Variants in EDA observed in about 807,000 individuals in gnomAD.
EDA encodes the protein ectodysplasin A.
Under a neutral mutation model 23.6 loss-of-function variants are expected in EDA, and 2 were observed. The observed-to-expected ratio is 0.08, with a 90% CI of 0.03 to 0.27. EDA has a LOEUF of 0.27. Among genes scored for constraint, EDA ranks in the 10% least tolerant of loss-of-function variants. The probability of loss-of-function intolerance (pLI) is 1.00; values close to 1 mark genes in which losing one functional copy is unlikely to be tolerated. For synonymous variants in EDA, 131 were observed against 132.0 expected, an observed-to-expected ratio of 0.99 and a Z score of 0.05; for missense variants, 229 against 324.2, an observed-to-expected ratio of 0.71 and a Z score of 2.26.
intron 1 of EDA, among the ~76,000 whole-genome samples, chrX:69,633,793 G>GAAACATTAT (rs1932695357): frequency 8.9e-6 from 1 of 112,248 alleles, no homozygotes; most frequent in African/African-American, 3.2e-5. Context: ...CCACCTTGGG[G>GAAACATTAT]TATTATGAAT....
At chrX:69,786,361 T>C (rs1348600551) in intron 1 of EDA, among the ~76,000 whole-genome samples, 2 of 107,055 alleles carry the variant, frequency 1.9e-5, no homozygotes, top group African/African-American at 6.8e-5. Flanking sequence ...CTTGCTTTTC[T>C]AGTTCTTTTA....
At chrX:69,710,456 G>A (rs1249491783) in intron 1 of EDA, among the ~76,000 whole-genome samples, 17 of 111,303 alleles carry the variant, frequency 1.5e-4, no homozygotes, top group Non-Finnish European at 2.3e-4. Context: ...TTCTTTTGGC[G>A]TAGGATTGAC....
At chrX:69,890,730 C>T (rs1300514176) in intron 1 of EDA, among the ~76,000 whole-genome samples, 4 of 111,541 alleles carry the variant, frequency 3.6e-5, no homozygotes, top group Admixed American at 2.9e-4. Context: ...CCCTTCCTTA[C>T]ACTATATATA....
At chrX:69,616,978 A>G in intron 1 of EDA, 1 of 423,054 alleles carries the variant, frequency 2.4e-6, no homozygotes, top group Admixed American at 4.3e-5. Flanking sequence ...AAAGTTGGCG[A>G]CGCTCCCGTC....
chrX:69,711,798 T>G (rs2012056203), intron 1 of EDA, among the ~76,000 whole-genome samples: 1 of 111,854 alleles, frequency 8.9e-6, no homozygotes, highest in Admixed American at 9.5e-5. Flanking sequence ...TTTATAGTAT[T>G]CTCTGATGGT....
At chrX:69,955,156 A>T (rs980976252) in intron 1 of EDA, among the ~76,000 whole-genome samples, 1 of 111,967 alleles carries the variant, frequency 8.9e-6, no homozygotes, top group African/African-American at 3.2e-5. Flanking sequence ...TACTTAGCTT[A>T]TTTATATTGT....
chrX:69,691,640 A>G (rs1275912646), intron 1 of EDA, among the ~76,000 whole-genome samples: 1 of 111,497 alleles, frequency 9.0e-6, no homozygotes, highest in Non-Finnish European at 1.9e-5. Context: ...TCTTTTTCTC[A>G]TCTCAGTAGT....
intron 1 of EDA, among the ~76,000 whole-genome samples, chrX:69,710,397 T>G (rs1012694036): frequency 2.2e-4 from 24 of 111,494 alleles, no homozygotes; most frequent in Non-Finnish European, 4.5e-4. Flanking sequence ...TTGGTTACTG[T>G]TGCCTTTAGT....
chrX:69,710,817 G>A (rs2011981009), intron 1 of EDA, among the ~76,000 whole-genome samples: 1 of 108,680 alleles, frequency 9.2e-6, no homozygotes, highest in Non-Finnish European at 1.9e-5. Flanking sequence ...GTATAAGAAT[G>A]CTTGTGATTT....
intron 1 of EDA, among the ~76,000 whole-genome samples, chrX:69,836,118 C>A (rs574400730): frequency 8.9e-6 from 1 of 111,865 alleles, no homozygotes; most frequent in South Asian, 3.7e-4. Flanking sequence ...TCATCCCAGA[C>A]GGGCAGCCAC....
chrX:69,956,498 C>T (rs1270059161), intron 1 of EDA, among the ~76,000 whole-genome samples: 19 of 109,263 alleles, frequency 1.7e-4, no homozygotes, highest in African/African-American at 6.3e-4. Flanking sequence ...CCCCCCACCA[C>T]CACACCCGGC....
At chrX:69,682,514 A>C (rs1393101699) in intron 1 of EDA, among the ~76,000 whole-genome samples, 1 of 112,100 alleles carries the variant, frequency 8.9e-6, no homozygotes, top group Non-Finnish European at 1.9e-5. Flanking sequence ...TGTGGGATAT[A>C]ATCTCCTCGT....
At chrX:69,625,750 T>G (rs1239678688) in intron 1 of EDA, among the ~76,000 whole-genome samples, 1 of 110,295 alleles carries the variant, frequency 9.1e-6, no homozygotes, top group African/African-American at 3.3e-5. Context: ...TAGAAAATCC[T>G]TAAGATCTTG....
intron 1 of EDA, among the ~76,000 whole-genome samples, chrX:69,778,893 A>G (rs1486696375): frequency 1.8e-5 from 2 of 111,753 alleles, no homozygotes; most frequent in Non-Finnish European, 3.8e-5. Flanking sequence ...CAGAGAATAA[A>G]TAGTTTGGGC....
intron 1 of EDA, among the ~76,000 whole-genome samples, chrX:69,697,755 A>G (rs1177574772): frequency 8.9e-6 from 1 of 111,931 alleles, no homozygotes; most frequent in African/African-American, 3.3e-5. Flanking sequence ...ACCCTCCAGA[A>G]GGTTTGTTGG....
intron 2 of EDA, among the ~76,000 whole-genome samples, chrX:70,005,894 C>A (rs961641579): frequency 1.8e-5 from 2 of 111,975 alleles, no homozygotes; most frequent in Non-Finnish European, 3.8e-5. Context: ...TCTTCCCACC[C>A]TTGGCAACCA....
rs372098157 is a variant in EDA, at chrX:69,841,770, A to T, written c.397-115257A>T. Among the ~76,000 whole-genome samples, 3 of 112,434 alleles carry T rather than the reference A, an allele frequency of 2.7e-5. No homozygotes were observed. The East Asian group carries it at 8.3e-4, about 31-fold the overall frequency. Reference sequence around the variant, plus strand: ...GAATTACAGAAATAAACTTTTCAAGATGAGTGTCTTAAAAGCAAGGAATTT... The same window carrying T: ...GAATTACAGAAATAAACTTTTCAAGTTGAGTGTCTTAAAAGCAAGGAATTT... On this transcript the variant is annotated intron_variant, in intron 1 of 7. Coordinates refer to ENST00000374552, the MANE Select transcript of EDA (RefSeq NM_001399.5).
intron 1 of EDA, among the ~76,000 whole-genome samples, chrX:69,814,261 C>T (rs2016026614): frequency 8.9e-6 from 1 of 112,502 alleles, no homozygotes; most frequent in Non-Finnish European, 1.9e-5. Context: ...AATATTCAGA[C>T]TAAATGCCAA....
intron 1 of EDA, chrX:69,670,191 T>TTTTTTG: frequency 3.0e-6 from 1 of 333,488 alleles, no homozygotes; most frequent in Non-Finnish European, 5.1e-6. Flanking sequence ...CTGTTTTTTT[T>TTTTTTG]TTTTTTTTTT....
Sources: allele counts gnomAD v4.1 joint callset (sites outside exome capture counted in the v4.1 genomes callset), GRCh38; gene constraint gnomAD v4.1.1; transcripts MANE v1.5; gene names NCBI Gene and HGNC (gene_info 2026-07-23, HGNC 2026-07-21).